Variants in GABRA1 observed in about 807,000 individuals in gnomAD.
GABRA1 encodes gamma-aminobutyric acid type A receptor subunit alpha1.
Under a neutral mutation model 48.9 loss-of-function variants are expected in GABRA1, and 9 were observed. The ratio of observed to expected loss-of-function variants is 0.18; its 90% CI spans 0.11 to 0.32. The LOEUF (loss-of-function observed/expected upper bound fraction) is 0.32. GABRA1 is among the 10% of genes least tolerant of loss of function. GABRA1 has a pLI of 1.00. For missense variants in GABRA1, 285 were observed against 553.8 expected (o/e 0.51, Z 4.87); for synonymous variants, 210 against 198.7 (o/e 1.06, Z -0.48).
intron 3 of GABRA1, among the ~76,000 whole-genome samples, chr5:161,862,629 A>G (rs767496624): frequency 1.3e-5 from 2 of 151,970 alleles, no homozygotes; most frequent in African/African-American, 2.4e-5. Flanking sequence ...TAAAGTAAGT[A>G]TGTGGTTTGC....
intron 7 of GABRA1, among the ~76,000 whole-genome samples, chr5:161,884,194 T>C (rs934515257): frequency 6.6e-6 from 1 of 152,094 alleles, no homozygotes; most frequent in Non-Finnish European, 1.5e-5. Flanking sequence ...ACATGAAAAA[T>C]GCTCAAGATT....
chr5:161,863,172 C>T (rs1364849301), intron 3 of GABRA1, among the ~76,000 whole-genome samples: 2 of 151,364 alleles, frequency 1.3e-5, no homozygotes, highest in South Asian at 2.1e-4. Context: ...TATATATATA[C>T]ACATATACAG....
intron 1 of GABRA1, among the ~76,000 whole-genome samples, chr5:161,849,459 C>G (rs116228274): frequency 6.6e-6 from 1 of 152,112 alleles, no homozygotes; most frequent in Non-Finnish European, 1.5e-5. Context: ...CACTAAATTA[C>G]TAAATTAAGG....
intron 5 of GABRA1, among the ~76,000 whole-genome samples, chr5:161,874,246 G>C (rs946631896): frequency 2.0e-5 from 3 of 152,026 alleles, no homozygotes; most frequent in Non-Finnish European, 4.4e-5. Context: ...AGAATGCCTA[G>C]CTTTTCAAAT....
chr5:161,851,022 GAATAAA>G, intron 2 of GABRA1, 138 bp downstream of exon 2: 1 of 733,340 alleles, frequency 1.4e-6, no homozygotes, highest in South Asian at 1.5e-5. Flanking sequence ...TTCCAGCTAA[GAATAAA>G]GAGGAGCAGT....
intron 6 of GABRA1, among the ~76,000 whole-genome samples, chr5:161,880,114 G>A (rs911401451): frequency 7.2e-5 from 11 of 152,026 alleles, no homozygotes; most frequent in African/African-American, 2.4e-4. Flanking sequence ...TCAAATGAAC[G>A]GCATCCTAAG....
intron 2 of GABRA1, among the ~76,000 whole-genome samples, chr5:161,852,941 T>A (rs1757508632): frequency 6.6e-6 from 1 of 151,942 alleles, no homozygotes; most frequent in South Asian, 2.1e-4. Context: ...CTTCAAATGT[T>A]ACTATTTTTC....
chr5:161,877,256 C>G (rs548023378), intron 6 of GABRA1, among the ~76,000 whole-genome samples: 2 of 152,230 alleles, frequency 1.3e-5, no homozygotes, highest in Admixed American at 1.3e-4. Context: ...GGTATAAATA[C>G]TAATAATTCC....
intron 8 of GABRA1, among the ~76,000 whole-genome samples, chr5:161,893,652 G>A (rs1192324739): frequency 1.2e-4 from 18 of 152,220 alleles, no homozygotes; most frequent in Admixed American, 1.2e-3. Flanking sequence ...TCTGGAGGCA[G>A]TGTGGTCACT....
At chr5:161,883,804 T>A (rs902551219) in intron 7 of GABRA1, among the ~76,000 whole-genome samples, 1 of 152,192 alleles carries the variant, frequency 6.6e-6, no homozygotes, top group Non-Finnish European at 1.5e-5. Context: ...AGACAAGTTC[T>A]GACTAACAGG....
rs114001242 is a variant in GABRA1, at chr5:161,870,210, T to A, written c.256-2907T>A. On this transcript the variant is annotated intron_variant, in intron 4 of 9. Transcript: ENST00000393943. ...TCAGCAGGTAGGTTCAGAACTTACA[T>A]CCATAGTCATTATGCTATAGTTCTG... 2.4e-3 allele frequency among the ~76,000 whole-genome samples: 369 copies of A among 152,252 alleles called. 3 individuals are homozygous for A. Among genetic ancestry groups the A allele is most frequent in the African/African-American group, 8.3e-3 (344 of 41,552 alleles).
At chr5:161,884,337 T>A (rs1176470772) in intron 7 of GABRA1, among the ~76,000 whole-genome samples, 1 of 152,126 alleles carries the variant, frequency 6.6e-6, no homozygotes, top group African/African-American at 2.4e-5. Context: ...AGCTCAGATT[T>A]TGCTGTCATG....
At chr5:161,865,693 T>A in intron 3 of GABRA1, 28 bp from the exon 4 acceptor site, 1 of 1,598,346 alleles carries the variant, frequency 6.3e-7, no homozygotes, top group Non-Finnish European at 8.6e-7. Flanking sequence ...TGACAGACAC[T>A]CACTCGCCCA....
chr5:161,866,770 T>G (rs1033454313), intron 4 of GABRA1, among the ~76,000 whole-genome samples: 1 of 152,146 alleles, frequency 6.6e-6, no homozygotes, highest in Non-Finnish European at 1.5e-5. Flanking sequence ...ACTAATATTC[T>G]GTGAAGTGAA....
intron 2 of GABRA1, among the ~76,000 whole-genome samples, chr5:161,851,707 A>T (rs549628052): frequency 7.9e-4 from 114 of 144,084 alleles, no homozygotes; most frequent in African/African-American, 3.3e-3. Context: ...GAGATGGAAT[A>T]GTCTGGAAAG....
intron 3 of GABRA1, among the ~76,000 whole-genome samples, chr5:161,859,627 G>A (rs1757777212): frequency 6.6e-6 from 1 of 151,752 alleles, no homozygotes; most frequent in Non-Finnish European, 1.5e-5. Flanking sequence ...ATGATAAAAT[G>A]CCTGATATTC....
intron 7 of GABRA1, among the ~76,000 whole-genome samples, chr5:161,885,451 A>G (rs552912469): frequency 6.6e-6 from 1 of 152,306 alleles, no homozygotes; most frequent in African/African-American, 2.4e-5. Flanking sequence ...ATCTTCTTCT[A>G]CTTTAAAATT....
intron 4 of GABRA1, among the ~76,000 whole-genome samples, chr5:161,869,209 A>G (rs944614719): frequency 1.3e-5 from 2 of 152,196 alleles, no homozygotes; most frequent in Admixed American, 6.6e-5. Flanking sequence ...AGTGAGAACT[A>G]ATAAATTAAT....
At chr5:161,867,805 G>T (rs575422245) in intron 4 of GABRA1, among the ~76,000 whole-genome samples, 1 of 151,854 alleles carries the variant, frequency 6.6e-6, no homozygotes, top group South Asian at 2.1e-4. Flanking sequence ...TTGACTTTCC[G>T]TTTTTGTATT....
Sources: gnomAD v4.1 joint callset for allele counts (sites outside exome capture counted in the v4.1 genomes callset) on GRCh38, gnomAD v4.1.1 for gene constraint, MANE v1.5 for transcripts, NCBI Gene and HGNC (gene_info 2026-07-23, HGNC 2026-07-21) for gene names.